Variants in DMBX1 observed in about 807,000 individuals in gnomAD.
The protein encoded by DMBX1 is diencephalon/mesencephalon homeobox protein 1.
Under a neutral mutation model 30.4 loss-of-function variants are expected in DMBX1, and 7 were observed. The observed-to-expected ratio is 0.23, with a 90% CI of 0.13 to 0.43. DMBX1 has a LOEUF of 0.43. Ranked by LOEUF, DMBX1 falls within the 20% of genes least tolerant of loss-of-function variation. The pLI, the probability that DMBX1 is intolerant of heterozygous loss-of-function variation, is 1.00. For missense variants in DMBX1, 460 were observed against 508.5 expected, an observed-to-expected ratio of 0.90 and a Z score of 0.92; for synonymous variants, 222 against 214.2, an observed-to-expected ratio of 1.04 and a Z score of -0.32.
At chr1:46,506,258 A>G (rs1219201725) in intron 2 of DMBX1, among the ~76,000 whole-genome samples, 1 of 152,150 alleles carries the variant, frequency 6.6e-6, no homozygotes, top group Non-Finnish European at 1.5e-5. Flanking sequence ...AGGTTTCACT[A>G]TGTTGGCCAG....
At chr1:46,508,302 G>A (rs927627067) in intron 3 of DMBX1, among the ~76,000 whole-genome samples, 1 of 152,218 alleles carries the variant, frequency 6.6e-6, no homozygotes, top group African/African-American at 2.4e-5. Flanking sequence ...ATCAGCTGGG[G>A]TAGTCAGGAA....
intron 2 of DMBX1, among the ~76,000 whole-genome samples, chr1:46,499,466 C>T (rs1202878490): frequency 6.6e-6 from 1 of 152,226 alleles, no homozygotes; most frequent in African/African-American, 2.4e-5. Flanking sequence ...GTGGGAAGAA[C>T]TTCACCTGTT....
rs1666408047 is a variant in DMBX1, at chr1:46,512,659, A to G, written c.*165A>G. ...CATACCCCAGCCCGAGGTGAAGCCCACACCTACACACCCTCTGCATGGCCC... is the reference window on the plus strand; with the variant it reads ...CATACCCCAGCCCGAGGTGAAGCCCGCACCTACACACCCTCTGCATGGCCC... On this transcript the variant is annotated 3_prime_UTR_variant, in exon 6 of 6. Coordinates refer to ENST00000360032, the MANE Select transcript of DMBX1 (RefSeq NM_172225.2). The surrounding 1 kb of genome is among the most constrained non-coding windows in gnomAD (Gnocchi z 4.8). 3 of 733,086 alleles carry G rather than the reference A, an allele frequency of 4.1e-6. No homozygotes were observed. Among genetic ancestry groups the G allele is most frequent in the African/African-American group, 1.8e-5 (1 of 56,336 alleles). 45.4% of individuals were successfully genotyped at this position (733,086 alleles called of 1,614,324 possible).
At position 46,491,351 on chromosome 1, in the gene DMBX1, C is replaced by G. The variant is rs977019107; in HGVS notation, c.-13+568C>G. ...GCAGTTCACCAAAGCCGAGAACCCA[C>G]CGGGCCTGGAGCGCAGCCTCAGCGC... is the stretch of plus-strand genomic sequence containing the variant. On this transcript the variant is annotated intron_variant, in intron 2 of 5. Coordinates refer to ENST00000360032, the MANE Select transcript of DMBX1 (RefSeq NM_172225.2). The surrounding 1 kb of genome is among the most constrained non-coding windows in gnomAD (Gnocchi z 5.5). 9.2e-5 allele frequency among the ~76,000 whole-genome samples: 14 copies of G among 152,190 alleles called. No homozygotes were observed. Among genetic ancestry groups the G allele is most frequent in the African/African-American group, 3.1e-4 (13 of 41,444 alleles).
At chr1:46,498,209 A>G (rs1666061104) in intron 2 of DMBX1, among the ~76,000 whole-genome samples, 1 of 152,102 alleles carries the variant, frequency 6.6e-6, no homozygotes, top group Admixed American at 6.5e-5. Context: ...GGCAGGGGTC[A>G]CCCTCTTGAG....
intron 2 of DMBX1, among the ~76,000 whole-genome samples, chr1:46,502,723 C>CA (rs1338451284): frequency 1.2e-4 from 18 of 151,532 alleles, no homozygotes; most frequent in Non-Finnish European, 2.2e-4. Flanking sequence ...CCTATCTCTA[C>CA]AAAAAAAATA....
chr1:46,512,609 G>A lies in DMBX1; in HGVS notation c.*115G>A. On this transcript the variant is annotated 3_prime_UTR_variant, in exon 6 of 6. Transcript: ENST00000360032. The surrounding 1 kb of genome is among the most constrained non-coding windows in gnomAD (Gnocchi z 4.8). ...TGAGCCCAGGGATCCTAGGGCCTGG[G>A]GTCCTGTTCCCTGCTCCGCTTCCCC... 3.3e-6 allele frequency: 4 copies of A among 1,210,210 alleles called. No individual in the cohort carries two copies. The highest frequency in any genetic ancestry group is 2.6e-4 in the Middle Eastern group (1 of 3,884). 75.0% of individuals were successfully genotyped at this position (1,210,210 alleles called of 1,614,324 possible).
In DMBX1 at chr1:46,510,391, G is replaced by T; in HGVS notation, c.155-85G>T. The T allele has an allele frequency of 6.7e-7, 1 of 1,492,464 alleles. No homozygotes were observed. The highest frequency in any genetic ancestry group is 9.0e-7 in the Non-Finnish European group (1 of 1,116,292). 92.5% of individuals were successfully genotyped at this position (1,492,464 alleles called of 1,614,324 possible). A position where few individuals can be genotyped will look rare whatever the true frequency, so the allele number is the denominator to read the frequency against. On this transcript the variant is annotated intron_variant, in intron 3 of 5. Coordinates refer to ENST00000360032, the MANE Select transcript of DMBX1 (RefSeq NM_172225.2). The surrounding 1 kb of genome is among the most constrained non-coding windows in gnomAD (Gnocchi z 4.1). ...GGCAGCAGCCTGGGTGTCCACAGTGGGTCAGAGCAGGATAAGATTCAAAGC... is the reference window on the plus strand; with the variant it reads ...GGCAGCAGCCTGGGTGTCCACAGTGTGTCAGAGCAGGATAAGATTCAAAGC...
rs1327296515 is a variant in DMBX1, at chr1:46,507,121, C to T, written c.111C>T (p.Tyr37=). 1 of 1,614,258 alleles carries T rather than the reference C, an allele frequency of 6.2e-7. No homozygotes were observed. The highest frequency in any genetic ancestry group is 1.7e-5 in the Admixed American group (1 of 60,028). The change falls in exon 3 of 6, where the codon TAC becomes TAT. Residue 37 remains tyrosine, a synonymous_variant. Coordinates refer to ENST00000360032, the MANE Select transcript of DMBX1 (RefSeq NM_172225.2). The stretch of plus-strand genomic sequence containing the variant: ...AGCAGGCCCAGCATGCCCCCGACTA[C>T]CGGCCTTCAGTGCATGCGCTTACAT... ...AAQQAQHAPD[Y]RPSVHALTLA... is the part of the protein sequence containing the mutation.
rs1251339672 is a variant in DMBX1 at position 46,507,088 on chromosome 1, G to A, written c.78G>A (p.Gln26=). The A allele has an allele frequency of 1.2e-6, 2 of 1,614,266 alleles. No homozygotes were observed. The highest frequency in any genetic ancestry group is 3.3e-5 in the Admixed American group (2 of 60,034). Residue 26 remains glutamine, a synonymous_variant, in exon 3 of 6, where the codon CAG becomes CAA. Coordinates refer to ENST00000360032, the MANE Select transcript of DMBX1 (RefSeq NM_172225.2). The stretch of plus-strand genomic sequence containing the variant: ...GCGCCATGTACAACCTGCACCAGCA[G>A]GCAGCCCAGCAGGCCCAGCATGCCC... The part of the protein sequence containing the change: ...SLSAMYNLHQ[Q]AAQQAQHAPD...
intron 5 of DMBX1, 43 bp from the exon 6 acceptor site, chr1:46,512,000 G>A (rs748446113): frequency 1.9e-6 from 3 of 1,569,576 alleles, no homozygotes; most frequent in South Asian, 1.2e-5. Flanking sequence ...GCAGACCAAT[G>A]CCCTTGTCCT....
chr1:46,510,745 G>T lies in DMBX1; in HGVS notation c.333+91G>T. On this transcript the variant is annotated intron_variant, in intron 4 of 5. Transcript: ENST00000360032. This position sits in a 1 kb window ranked among gnomAD's most constrained non-coding sequence, Gnocchi z 4.1. ...CCAGGAGCCAGCATGTCATCCCTGT[G>T]CCAAGGTGCAACTGATCTCTCCATC... 1 of 1,480,382 alleles carries T rather than the reference G, an allele frequency of 6.8e-7. No homozygotes were observed. The highest frequency in any genetic ancestry group is 1.4e-5 in the African/African-American group (1 of 71,726). The allele number at this position is 1,480,382 out of a possible 1,614,324, so 91.7% of individuals were successfully genotyped here.
chr1:46,499,727 G>C (rs893585548), intron 2 of DMBX1, among the ~76,000 whole-genome samples: 1 of 152,174 alleles, frequency 6.6e-6, no homozygotes, highest in African/African-American at 2.4e-5. Flanking sequence ...GGGCGGGGTG[G>C]GTGTCCAGAA....
Position 46,512,453 on chromosome 1 carries a change from C to T in DMBX1, c.1093C>T (p.Gln365Ter). 6.2e-7 allele frequency: 1 copy of T among 1,613,526 alleles called. No homozygotes were observed. The highest frequency in any genetic ancestry group is 8.5e-7 in the Non-Finnish European group (1 of 1,179,788). Residue 365 changes from glutamine to a stop codon, truncating the protein, a stop_gained, in exon 6 of 6, where the codon CAG (glutamine) becomes TAG (stop). Transcript: ENST00000360032. LOFTEE classifies it high-confidence loss of function. The surrounding 1 kb of genome is among the most constrained non-coding windows in gnomAD (Gnocchi z 4.8). ...SIENLRLRAK[Q>*]HAASLGLDTL... ...CGAGAACCTGCGGCTCCGGGCCAAG[C>T]AGCACGCGGCCTCCCTGGGACTCGA... is the stretch of plus-strand genomic sequence containing the variant.
chr1:46,491,382 C>T lies in DMBX1; in HGVS notation c.-13+599C>T, dbSNP rs1286412812. On this transcript the variant is annotated intron_variant, in intron 2 of 5. Coordinates refer to ENST00000360032, the MANE Select transcript of DMBX1 (RefSeq NM_172225.2). This position sits in a 1 kb window ranked among gnomAD's most constrained non-coding sequence, Gnocchi z 5.5. ...CTGGAGCGCAGCCTCAGCGCTGGTTCCGACCCGGGCCCCAGAAGGTCTTTT... is the reference window on the plus strand; with the variant it reads ...CTGGAGCGCAGCCTCAGCGCTGGTTTCGACCCGGGCCCCAGAAGGTCTTTT... Among the ~76,000 whole-genome samples, 3 of 152,222 alleles carry T rather than the reference C, an allele frequency of 2.0e-5. No homozygotes were observed. The highest frequency in any genetic ancestry group is 4.4e-5 in the Non-Finnish European group (3 of 68,032).
At position 46,510,036 on chromosome 1, in the gene DMBX1, C is replaced by T. The variant is rs1260283485; in HGVS notation, c.155-440C>T. 6.6e-6 allele frequency among the ~76,000 whole-genome samples: 1 copy of T among 152,080 alleles called. No homozygotes were observed. Among genetic ancestry groups the T allele is most frequent in the Non-Finnish European group, 1.5e-5 (1 of 67,998 alleles). On this transcript the variant is annotated intron_variant, in intron 3 of 5. Coordinates refer to ENST00000360032, the MANE Select transcript of DMBX1 (RefSeq NM_172225.2). This position sits in a 1 kb window ranked among gnomAD's most constrained non-coding sequence, Gnocchi z 4.1. ...CAGCCTGGCTTCTCATGGGCAGGGACCAGTACTCTGATGCTAAAGAAGTCT... is the reference window on the plus strand; with the variant it reads ...CAGCCTGGCTTCTCATGGGCAGGGATCAGTACTCTGATGCTAAAGAAGTCT...
rs550032480 is a variant in DMBX1, at chr1:46,511,957, A to G, written c.683-86A>G. 2.1e-4 allele frequency: 283 copies of G among 1,341,056 alleles called. 1 individual carries two copies. The highest frequency in any genetic ancestry group is 8.9e-5 in the Non-Finnish European group (87 of 974,256). The allele number at this position is 1,341,056 out of a possible 1,614,324, so 83.1% of individuals were successfully genotyped here. A position where few individuals can be genotyped will look rare whatever the true frequency, so the allele number is the denominator to read the frequency against. On this transcript the variant is annotated intron_variant, in intron 5 of 5. Transcript: ENST00000360032. ...CGAAGCCTGTCTTGTCTATAGTGCC[A>G]AGGAGGTGAGAAGGCTGAGTGCACC...
chr1:46,509,320 C>T (rs1043938860), intron 3 of DMBX1, among the ~76,000 whole-genome samples: 3 of 152,168 alleles, frequency 2.0e-5, no homozygotes, highest in South Asian at 2.1e-4. Flanking sequence ...GTAATCCACC[C>T]GCCCAAAGTG....
chr1:46,501,526 A>G (rs1207644718), intron 2 of DMBX1, among the ~76,000 whole-genome samples: 1 of 151,996 alleles, frequency 6.6e-6, no homozygotes, highest in African/African-American at 2.4e-5. Context: ...AAGTGATCCC[A>G]AAGTGCTGGG....
Sources: allele counts gnomAD v4.1 joint callset (sites outside exome capture counted in the v4.1 genomes callset), GRCh38; gene constraint gnomAD v4.1.1; non-coding constraint Gnocchi (gnomAD v3.1); transcripts MANE v1.5; gene names NCBI Gene and HGNC (gene_info 2026-07-23, HGNC 2026-07-21).